PAM: variants seen among roughly 807,000 people sequenced by gnomAD.
PAM encodes peptidyl-glycine alpha-amidating monooxygenase.
Under a neutral mutation model 122.1 loss-of-function variants are expected in PAM, and 72 were observed. That is an observed-to-expected ratio of 0.59 (90% CI 0.49 to 0.72). The LOEUF (loss-of-function observed/expected upper bound fraction) is 0.72. Among genes scored for constraint, PAM ranks in the 30% least tolerant of loss-of-function variants. The pLI is 0.00. For missense variants in PAM, 1,106 were observed against 1,183.7 expected (o/e 0.93, Z 0.96); for synonymous variants, 389 against 404.4 (o/e 0.96, Z 0.46).
At chr5:102,852,445 A>AT (rs1182997769) in intron 1 of PAM, among the ~76,000 whole-genome samples, 1 of 151,978 alleles carries the variant, frequency 6.6e-6, no homozygotes, top group Non-Finnish European at 1.5e-5. Context: ...TTTGGTTTCT[A>AT]TTTTTTTCAA....
intron 18 of PAM, among the ~76,000 whole-genome samples, chr5:103,005,986 A>G (rs709379): frequency 0.67 from 102,541 of 152,048 alleles, 35,775 homozygotes; most frequent in African/African-American, 0.87. Flanking sequence ...TCAGGCTGGA[A>G]TGCAGTGGCA....
At chr5:102,767,928 G>A (rs1375125101) in intron 1 of PAM, among the ~76,000 whole-genome samples, 1 of 152,158 alleles carries the variant, frequency 6.6e-6, no homozygotes, top group Non-Finnish European at 1.5e-5. Flanking sequence ...TAGGTTGTAA[G>A]TGCTGGGACC....
intron 4 of PAM, among the ~76,000 whole-genome samples, chr5:102,902,352 C>T (rs1798217618): frequency 6.6e-6 from 1 of 151,686 alleles, no homozygotes; most frequent in African/African-American, 2.4e-5. Flanking sequence ...ATTTTTTATT[C>T]ACACACATTG....
chr5:102,800,108 C>T lies in PAM; in HGVS notation c.-374+44760C>T, dbSNP rs531909170. Among the ~76,000 whole-genome samples the T allele has an allele frequency of 5.9e-5, 9 of 152,356 alleles. No homozygotes were observed. In the East Asian group the frequency reaches 1.3e-3, roughly 23 times the overall value. ...TATTGTACTCACTATTCACTGTCCT[C>T]CAGCCACACTGGGCTTCCTTATGTT... On this transcript the variant is annotated intron_variant, in intron 1 of 25. Transcript: ENST00000438793.
At chr5:102,814,391 A>C (rs1342137812) in intron 1 of PAM, among the ~76,000 whole-genome samples, 1 of 152,052 alleles carries the variant, frequency 6.6e-6, no homozygotes, top group East Asian at 1.9e-4. Context: ...ATACAATCCA[A>C]GCAATTACTA....
At chr5:102,926,713 A>G (rs781218776) in intron 7 of PAM, 45 bp downstream of exon 7, 11 of 924,718 alleles carry the variant, frequency 1.2e-5, no homozygotes, top group Non-Finnish European at 2.0e-5. Context: ...CTAGTACTAT[A>G]TTGTTTAAAA....
intron 4 of PAM, among the ~76,000 whole-genome samples, chr5:102,910,515 A>G (rs1581607788): frequency 6.6e-6 from 1 of 151,910 alleles, no homozygotes; most frequent in Admixed American, 6.6e-5. Context: ...CGCTGATCTC[A>G]TACATCAGGC....
At chr5:102,963,837 A>G (rs1763237805) in intron 14 of PAM, among the ~76,000 whole-genome samples, 1 of 148,692 alleles carries the variant, frequency 6.7e-6, no homozygotes, top group Non-Finnish European at 1.5e-5. Flanking sequence ...ACACACATAC[A>G]TATATATATT....
intron 3 of PAM, among the ~76,000 whole-genome samples, chr5:102,898,239 C>A (rs1314060901): frequency 2.6e-5 from 4 of 151,570 alleles, no homozygotes; most frequent in African/African-American, 7.3e-5. Context: ...TATGTAGATT[C>A]ATATTATTTC....
chr5:103,004,508 A>G (rs1778369077), intron 17 of PAM, among the ~76,000 whole-genome samples: 1 of 152,160 alleles, frequency 6.6e-6, no homozygotes, highest in African/African-American at 2.4e-5. Context: ...CATTGGACCA[A>G]ACCACCTCAA....
intron 21 of PAM, among the ~76,000 whole-genome samples, chr5:103,017,082 T>C (rs1273313091): frequency 6.6e-6 from 1 of 152,170 alleles, no homozygotes; most frequent in African/African-American, 2.4e-5. Context: ...CTTAAAAGAA[T>C]TGAAAGTCAG....
Position 103,006,810 on chromosome 5 carries a change from C to T in PAM, c.1813C>T (p.Leu605=). Residue 605 remains leucine, a synonymous_variant, in exon 19 of 26, where the codon CTG becomes TTG. Transcript: ENST00000438793. ...TDVALHQVFK[L]DPNNKEGPVL... ...GTTCCTTTTTAAAAAGGTGTTCAAA[C>T]TGGATCCAAACAATAAAGAAGGCCC... The T allele has an allele frequency of 6.2e-7, 1 of 1,611,656 alleles. No individual in the cohort carries two copies. The highest frequency in any genetic ancestry group is 8.5e-7 in the Non-Finnish European group (1 of 1,178,508).
At chr5:102,756,014 T>C (rs1250962246) in intron 1 of PAM, among the ~76,000 whole-genome samples, 2 of 152,126 alleles carry the variant, frequency 1.3e-5, no homozygotes, top group Non-Finnish European at 2.9e-5. Context: ...TAGTTAAGTC[T>C]AGGTTCAGTC....
chr5:102,971,838 A>T (rs1466454934), intron 14 of PAM, among the ~76,000 whole-genome samples: 1 of 152,176 alleles, frequency 6.6e-6, no homozygotes, highest in Non-Finnish European at 1.5e-5. Flanking sequence ...TATCTAGTAC[A>T]CTAGAAGAGG....
chr5:102,959,264 G>A (rs1228625442), intron 12 of PAM, among the ~76,000 whole-genome samples: 2 of 151,996 alleles, frequency 1.3e-5, no homozygotes, highest in African/African-American at 2.4e-5. Context: ...TTTCAACCCT[G>A]CTATAAAAGC....
At chr5:102,990,962 C>T (rs1773899087) in intron 16 of PAM, among the ~76,000 whole-genome samples, 1 of 152,130 alleles carries the variant, frequency 6.6e-6, no homozygotes. Flanking sequence ...TTTTCATGAG[C>T]ATCAAAGGCT....
At chr5:102,855,848 G>A (rs189312470) in intron 1 of PAM, among the ~76,000 whole-genome samples, 3 of 151,912 alleles carry the variant, frequency 2.0e-5, no homozygotes, top group South Asian at 2.1e-4. Flanking sequence ...ACTTACATGC[G>A]GTTACCCTCC....
At chr5:102,860,835 A>T (rs1783971393) in intron 1 of PAM, among the ~76,000 whole-genome samples, 1 of 152,178 alleles carries the variant, frequency 6.6e-6, no homozygotes. Context: ...GACAAGTCAC[A>T]ATCATAGCCA....
At chr5:102,786,857 T>A (rs1212686400) in intron 1 of PAM, among the ~76,000 whole-genome samples, 1 of 152,088 alleles carries the variant, frequency 6.6e-6, no homozygotes, top group East Asian at 1.9e-4. Flanking sequence ...AGAATATATC[T>A]TAAAAACTCT....
Sources: gnomAD v4.1 joint callset for allele counts (sites outside exome capture counted in the v4.1 genomes callset) on GRCh38, gnomAD v4.1.1 for gene constraint, MANE v1.5 for transcripts, NCBI Gene and HGNC (gene_info 2026-07-23, HGNC 2026-07-21) for gene names.